The following DSCAM variants were observed in gnomAD, a reference collection of about 807,000 sequenced individuals.
DSCAM encodes the protein DS cell adhesion molecule, also known as cell adhesion molecule DSCAM.
A neutral mutation model predicts 217.7 loss-of-function variants in DSCAM; 47 were observed. The observed-to-expected ratio is 0.22, with a 90% CI of 0.17 to 0.28. DSCAM has a LOEUF of 0.28. Ranked by LOEUF, DSCAM falls within the 10% of genes least tolerant of loss-of-function variation. The pLI is 1.00. For synonymous variants in DSCAM, 1,056 were observed against 1,015.3 expected (o/e 1.04, Z -0.76); for missense variants, 2,080 against 2,618.3 (o/e 0.79, Z 4.49).
At chr21:40,317,460 TATC>T (rs1198604318) in intron 8 of DSCAM, among the ~76,000 whole-genome samples, 1 of 152,230 alleles carries the variant, frequency 6.6e-6, no homozygotes, top group African/African-American at 2.4e-5. Context: ...GCAGGAGATC[TATC>T]AAGTTTATCT....
chr21:40,422,445 C>T (rs1292254643), intron 3 of DSCAM, among the ~76,000 whole-genome samples: 1 of 150,328 alleles, frequency 6.7e-6, no homozygotes, highest in African/African-American at 2.4e-5. Context: ...AATTGGCCAA[C>T]ATAGTGAAAC....
At chr21:40,113,886 C>T (rs1271789149) in intron 20 of DSCAM, among the ~76,000 whole-genome samples, 2 of 151,890 alleles carry the variant, frequency 1.3e-5, no homozygotes, top group Non-Finnish European at 2.9e-5. Flanking sequence ...AGGAGAACTA[C>T]AAACCACTGC....
At chr21:40,765,551 G>C (rs908507661) in intron 1 of DSCAM, among the ~76,000 whole-genome samples, 1 of 152,104 alleles carries the variant, frequency 6.6e-6, no homozygotes, top group African/African-American at 2.4e-5. Context: ...TGTTTCCTGA[G>C]AGACACATTC....
chr21:40,628,833 C>T (rs146777385), intron 3 of DSCAM, among the ~76,000 whole-genome samples: 11 of 152,158 alleles, frequency 7.2e-5, no homozygotes, highest in East Asian at 3.9e-4. Context: ...CTGCAACCTC[C>T]GCCTCCTGGG....
At chr21:40,331,336 G>A (rs927240338) in intron 8 of DSCAM, among the ~76,000 whole-genome samples, 1 of 152,172 alleles carries the variant, frequency 6.6e-6, no homozygotes, top group Non-Finnish European at 1.5e-5. Context: ...CCACCTAGGC[G>A]AGATGACATT....
chr21:40,263,629 AC>A (rs1190472341), intron 11 of DSCAM, among the ~76,000 whole-genome samples: 1 of 152,216 alleles, frequency 6.6e-6, no homozygotes, highest in East Asian at 1.9e-4. Context: ...GAAGTTGACA[AC>A]CTAACATCAC....
chr21:40,562,898 C>T (rs1000230602), intron 3 of DSCAM, among the ~76,000 whole-genome samples: 3 of 152,148 alleles, frequency 2.0e-5, no homozygotes, highest in African/African-American at 7.2e-5. Context: ...GTCGCCTGCA[C>T]GACATGCACT....
intron 3 of DSCAM, among the ~76,000 whole-genome samples, chr21:40,646,892 G>C (rs2089954236): frequency 6.6e-6 from 1 of 152,190 alleles, no homozygotes; most frequent in South Asian, 2.1e-4. Flanking sequence ...ACACAGCTCG[G>C]GACCAGTCTC....
In DSCAM at chr21:40,202,595, A is replaced by G. The variant is rs115242791; in HGVS notation, c.2357-13357T>C. 4.0e-3 allele frequency among the ~76,000 whole-genome samples: 608 copies of G among 152,350 alleles called. 3 individuals are homozygous for G. The highest frequency in any genetic ancestry group is 0.013 in the African/African-American group (558 of 41,590). ...GTTGCTGTAGAGATTACAAGCTAAT[A>G]GCTCTTTAGGGTGTCCCAGGGATCT... On this transcript the variant is annotated intron_variant, in intron 11 of 32. Transcript: ENST00000400454.
intron 21 of DSCAM, among the ~76,000 whole-genome samples, chr21:40,087,914 G>C (rs2837428): frequency 0.18 from 27,500 of 152,168 alleles, 2,795 homozygotes; most frequent in East Asian, 0.25. Flanking sequence ...GGTAGCAGAA[G>C]TCCCAGAAGA....
At chr21:40,656,614 G>A (rs2090079929) in intron 3 of DSCAM, among the ~76,000 whole-genome samples, 1 of 151,878 alleles carries the variant, frequency 6.6e-6, no homozygotes, top group Non-Finnish European at 1.5e-5. Context: ...TCTCCATCAC[G>A]CTTCTGTGTC....
chr21:40,039,220 CAG>C (rs998992099), intron 32 of DSCAM, among the ~76,000 whole-genome samples: 8 of 150,720 alleles, frequency 5.3e-5, no homozygotes, highest in African/African-American at 1.7e-4. Context: ...TAAAGTCTAA[CAG>C]GGGAAACGTG....
At chr21:40,242,920 T>A (rs2073173085) in intron 11 of DSCAM, among the ~76,000 whole-genome samples, 1 of 152,226 alleles carries the variant, frequency 6.6e-6, no homozygotes, top group Non-Finnish European at 1.5e-5. Context: ...CACGTACAGC[T>A]CTTCCAGCCA....
At chr21:40,486,789 C>T (rs1358845974) in intron 3 of DSCAM, among the ~76,000 whole-genome samples, 1 of 152,178 alleles carries the variant, frequency 6.6e-6, no homozygotes, top group African/African-American at 2.4e-5. Flanking sequence ...AAGCTTGAAA[C>T]CACTGGGATC....
chr21:40,406,474 T>C (rs1254140818), intron 3 of DSCAM, among the ~76,000 whole-genome samples: 2 of 152,154 alleles, frequency 1.3e-5, no homozygotes, highest in Non-Finnish European at 2.9e-5. Context: ...AAAAAAGCAA[T>C]GAAATCGTGC....
At chr21:40,334,901 C>T (rs2074414496) in intron 8 of DSCAM, among the ~76,000 whole-genome samples, 1 of 152,118 alleles carries the variant, frequency 6.6e-6, no homozygotes, top group African/African-American at 2.4e-5. Context: ...CAGCAGAAAA[C>T]CCCACGTCCT....
intron 3 of DSCAM, among the ~76,000 whole-genome samples, chr21:40,504,343 C>T (rs1272619911): frequency 6.6e-6 from 1 of 152,114 alleles, no homozygotes; most frequent in Non-Finnish European, 1.5e-5. Context: ...TGGTGATGGC[C>T]ACGGGGCACA....
intron 4 of DSCAM, among the ~76,000 whole-genome samples, chr21:40,367,560 G>T (rs998099573): frequency 1.3e-5 from 2 of 152,282 alleles, no homozygotes. Flanking sequence ...AGTGTCTACA[G>T]TCTCATCTTT....
chr21:40,642,399 C>A (rs1224842971), intron 3 of DSCAM, among the ~76,000 whole-genome samples: 3 of 152,130 alleles, frequency 2.0e-5, no homozygotes, highest in African/African-American at 7.2e-5. Flanking sequence ...TAGTTAAAAG[C>A]ACCCATTAGG....
Sources: allele counts gnomAD v4.1 joint callset (sites outside exome capture counted in the v4.1 genomes callset), GRCh38; gene constraint gnomAD v4.1.1; transcripts MANE v1.5; gene names NCBI Gene and HGNC (gene_info 2026-07-23, HGNC 2026-07-21).